The following ATP13A1 variants were observed in gnomAD, a reference collection of about 807,000 sequenced individuals.
ATP13A1 encodes ATPase 13A1, also known as endoplasmic reticulum transmembrane helix translocase.
Under a neutral mutation model 134.8 loss-of-function variants are expected in ATP13A1, and 55 were observed. The observed-to-expected ratio is 0.41, with a 90% CI of 0.33 to 0.51. The LOEUF is 0.51. Among genes scored for constraint, ATP13A1 ranks in the 20% least tolerant of loss-of-function variants. The pLI is 0.29. For synonymous variants in ATP13A1, 775 were observed against 725.1 expected (o/e 1.07, Z -1.10); for missense variants, 1,389 against 1,652.8 (o/e 0.84, Z 2.77).
chr19:19,663,053 G>A (rs1056014320), intron 1 of ATP13A1: 6 of 744,126 alleles, frequency 8.1e-6, no homozygotes, highest in Admixed American at 8.1e-5. Flanking sequence ...TAACAGGGAG[G>A]ACTTCAGAAA....
chr19:19,648,798 A>C (rs2062004138), intron 19 of ATP13A1, among the ~76,000 whole-genome samples: 2 of 116,474 alleles, frequency 1.7e-5, no homozygotes, highest in South Asian at 3.0e-4. Flanking sequence ...AACAAGAGAG[A>C]AACTGTCTCA....
chr19:19,657,253 T>C, intron 4 of ATP13A1, 83 bp downstream of exon 4: 2 of 1,500,610 alleles, frequency 1.3e-6, no homozygotes, highest in Non-Finnish European at 1.8e-6. Context: ...GGCTTCCAGG[T>C]TTAGAAGTGG....
At position 19,647,450 on chromosome 19, in the gene ATP13A1, C is replaced by G; in HGVS notation, c.2872G>C (p.Ala958Pro). The G allele has an allele frequency of 1.9e-6, 3 of 1,613,480 alleles. No individual in the cohort carries two copies. Among genetic ancestry groups the G allele is most frequent in the Non-Finnish European group, 2.5e-6 (3 of 1,179,714 alleles). ...GATGAGAGCTTGGAGGTGAAGGGTGCTGCGATGCTGGCATCCCCCAGTTTC... is the reference window on the plus strand; with the variant it reads ...GATGAGAGCTTGGAGGTGAAGGGTGGTGCGATGCTGGCATCCCCCAGTTTC... ...IVKLGDASIA[A>P]PFTSKLSSIQ... Residue 958 changes from alanine to proline, a missense_variant, in exon 21 of 26, where the codon GCA becomes CCA. This residue lies in a region of ATP13A1 where 228 missense variants were observed against 321.0 expected (regional missense o/e 0.71). Transcript: ENST00000357324. This position sits in a 1 kb window ranked among gnomAD's most constrained non-coding sequence, Gnocchi z 4.8.
intron 3 of ATP13A1, among the ~76,000 whole-genome samples, chr19:19,658,433 C>T (rs949449953): frequency 2.6e-5 from 4 of 152,160 alleles, no homozygotes; most frequent in African/African-American, 9.7e-5. Context: ...AACGTAGTTG[C>T]CACAGGCCAT....
intron 1 of ATP13A1, among the ~76,000 whole-genome samples, chr19:19,661,427 TAC>T (rs958616873): frequency 2.0e-5 from 3 of 152,208 alleles, no homozygotes; most frequent in Non-Finnish European, 4.4e-5. Flanking sequence ...CTGCCCGGAA[TAC>T]ACAGTCACAC....
At chr19:19,650,264 G>C in intron 17 of ATP13A1, 1 of 442,294 alleles carries the variant, frequency 2.3e-6, no homozygotes, top group Non-Finnish European at 4.1e-6. Flanking sequence ...CACAGAAGGG[G>C]GCTATTGCGC....
In ATP13A1 at chr19:19,655,374, C is replaced by T. The variant is rs2145009036; in HGVS notation, c.1476G>A (p.Glu492=). 2 of 1,613,988 alleles carry T rather than the reference C, an allele frequency of 1.2e-6. No homozygotes were observed. Among genetic ancestry groups the T allele is most frequent in the East Asian group, 4.5e-5 (2 of 44,882 alleles). The change falls in exon 11 of 26, where the codon GAG becomes GAA. Residue 492 remains glutamate, a synonymous_variant. Coordinates refer to ENST00000357324, the MANE Select transcript of ATP13A1 (RefSeq NM_020410.3). This position sits in a 1 kb window ranked among gnomAD's most constrained non-coding sequence, Gnocchi z 5.7. ...CGGCCAGGGACAGCTCGATGGGCAGCTCAGGAGGCACGACCGAGGTGAGGA... is the reference window on the plus strand; with the variant it reads ...CGGCCAGGGACAGCTCGATGGGCAGTTCAGGAGGCACGACCGAGGTGAGGA... ...TLILTSVVPP[E]LPIELSLAVN...
Position 19,647,090 on chromosome 19 carries a change from C to A in ATP13A1, c.3105+39G>T, listed in dbSNP as rs756015350. 2 of 1,575,704 alleles carry A rather than the reference C, an allele frequency of 1.3e-6. No individual in the cohort carries two copies. The highest frequency in any genetic ancestry group is 2.3e-5 in the South Asian group (2 of 86,162). On this transcript the variant is annotated intron_variant, in intron 22 of 25. Transcript: ENST00000357324. This position sits in a 1 kb window ranked among gnomAD's most constrained non-coding sequence, Gnocchi z 4.8. ...CCTATATCAGCCTGGCCCTGGCAGG[C>A]CCATGCATCCCTGGCCTTCCAGCAC...
Position 19,646,339 on chromosome 19 carries a change from C to A in ATP13A1, c.3114G>T (p.Lys1038Asn). Reference protein sequence around the residue: ...FLFISRSKPLKTLSRERPLPN... With the variant: ...FLFISRSKPLNTLSRERPLPN... ...GCAGGGGCCGTTCTCGGGAGAGGGTCTTGAGGGGCTGCAGCAGCAAGGCGG... is the reference window on the plus strand; with the variant it reads ...GCAGGGGCCGTTCTCGGGAGAGGGTATTGAGGGGCTGCAGCAGCAAGGCGG... The change falls in exon 23 of 26, where the codon AAG becomes AAT. Residue 1038 changes from lysine (K) to asparagine (N), a missense_variant. This residue lies in a region of ATP13A1 where 228 missense variants were observed against 321.0 expected (regional missense o/e 0.71). Transcript: ENST00000357324. 1 of 1,613,768 alleles carries A rather than the reference C, an allele frequency of 6.2e-7. No homozygotes were observed. Among genetic ancestry groups the A allele is most frequent in the Non-Finnish European group, 8.5e-7 (1 of 1,179,812 alleles).
In ATP13A1 at chr19:19,645,990, A is replaced by C; in HGVS notation, c.3249-5T>G. On this transcript the variant is annotated splice_region_variant and splice_polypyrimidine_tract_variant and intron_variant, in intron 23 of 25. Transcript: ENST00000357324. The surrounding 1 kb of genome is among the most constrained non-coding windows in gnomAD (Gnocchi z 4.1). ...AAGTCCACGAACTGCTCCTGCCTGCAAGGACACATGGGAGTCAGGGCCCCC... is the reference window on the plus strand; with the variant it reads ...AAGTCCACGAACTGCTCCTGCCTGCCAGGACACATGGGAGTCAGGGCCCCC... The C allele has an allele frequency of 6.2e-7, 1 of 1,611,064 alleles. No individual in the cohort carries two copies. Among genetic ancestry groups the C allele is most frequent in the South Asian group, 1.1e-5 (1 of 91,086 alleles).
At position 19,656,325 on chromosome 19, in the gene ATP13A1, T is replaced by TC. The variant is rs2062057881; in HGVS notation, c.1084-143dup. The TC allele has an allele frequency of 2.5e-6, 3 of 1,197,106 alleles. No individual in the cohort carries two copies. The highest frequency in any genetic ancestry group is 3.5e-6 in the Non-Finnish European group (3 of 864,304). The allele number at this position is 1,197,106 out of a possible 1,614,324, so 74.2% of individuals were successfully genotyped here. A position where few individuals can be genotyped will look rare whatever the true frequency, so the allele number is the denominator to read the frequency against. ...CAATACATCCCACCCAGCTCCCAGA[T>TC]CCTCACCCTCACCCCGTCCTGTCTT... On this transcript the variant is annotated intron_variant, in intron 7 of 25. Coordinates refer to ENST00000357324, the MANE Select transcript of ATP13A1 (RefSeq NM_020410.3). This position sits in a 1 kb window ranked among gnomAD's most constrained non-coding sequence, Gnocchi z 4.6.
chr19:19,647,835 G>A lies in ATP13A1; in HGVS notation c.2633-76C>T. 1 of 1,480,528 alleles carries A rather than the reference G, an allele frequency of 6.8e-7. No individual in the cohort carries two copies. Among genetic ancestry groups the A allele is most frequent in the Non-Finnish European group, 9.0e-7 (1 of 1,113,178 alleles). The allele number at this position is 1,480,528 out of a possible 1,614,324, so 91.7% of individuals were successfully genotyped here. A position where few individuals can be genotyped will look rare whatever the true frequency, so the allele number is the denominator to read the frequency against. The stretch of plus-strand genomic sequence containing the variant: ...AAGATTGCTGGCTTCAGAGCCACTG[G>A]TCCTGAAGTCCCCCAGCTGGCTCCC... On this transcript the variant is annotated intron_variant, in intron 19 of 25. Transcript: ENST00000357324. The surrounding 1 kb of genome is among the most constrained non-coding windows in gnomAD (Gnocchi z 4.8).
Position 19,653,618 on chromosome 19 carries a change from G to A in ATP13A1, c.2100+166C>T, listed in dbSNP as rs2062038331. 4 of 680,626 alleles carry A rather than the reference G, an allele frequency of 5.9e-6. No homozygotes were observed. In the South Asian group the frequency reaches 7.6e-5, roughly 13 times the overall value. The allele number at this position is 680,626 out of a possible 1,614,324, so 42.2% of individuals were successfully genotyped here. On this transcript the variant is annotated intron_variant, in intron 15 of 25. Transcript: ENST00000357324. The surrounding 1 kb of genome is among the most constrained non-coding windows in gnomAD (Gnocchi z 4.2). ...GACTGGGTGGGTCCCCACAGCAGTG[G>A]ACAGACTGAGTGCCATTTGGAGTCT...
Position 19,655,064 on chromosome 19 carries a change from G to T in ATP13A1, c.1655+55C>A. The T allele has an allele frequency of 6.2e-7, 1 of 1,604,306 alleles. No individual in the cohort carries two copies. The highest frequency in any genetic ancestry group is 1.1e-5 in the South Asian group (1 of 89,866). ...GGGGTGGATGGGCCACCTGTCTCTCGACTTCCCAGAAACCCCATCTGGGTG... is the reference window on the plus strand; with the variant it reads ...GGGGTGGATGGGCCACCTGTCTCTCTACTTCCCAGAAACCCCATCTGGGTG... On this transcript the variant is annotated intron_variant, in intron 12 of 25. Coordinates refer to ENST00000357324, the MANE Select transcript of ATP13A1 (RefSeq NM_020410.3). This position sits in a 1 kb window ranked among gnomAD's most constrained non-coding sequence, Gnocchi z 5.7.
rs537113852 is a variant in ATP13A1, at chr19:19,656,071, G to A, written c.1196C>T (p.Ala399Val). The change falls in exon 8 of 26, where the codon GCC (alanine) becomes GTC (valine). Residue 399 changes from alanine (A) to valine (V), a missense_variant. Physicochemically the swap from Ala to Val is moderately conservative, Grantham distance 64. Around this residue, in one of 4 missense-constraint regions of ATP13A1, gnomAD observed 747 missense variants for 956.1 expected, o/e 0.78. Transcript: ENST00000357324. The surrounding 1 kb of genome is among the most constrained non-coding windows in gnomAD (Gnocchi z 4.6). ...KVVQHIPPQK[A>V]TTGLKPVDSG... is the part of the protein sequence containing the mutation. ...GCACCTACGCTTCAGGCCCGTGGTG[G>A]CTTTCTGTGGGGGGATGTGCTGCAC... 2 of 1,613,608 alleles carry A rather than the reference G, an allele frequency of 1.2e-6. No homozygotes were observed. Among genetic ancestry groups the A allele is most frequent in the East Asian group, 2.2e-5 (1 of 44,858 alleles).
intron 19 of ATP13A1, among the ~76,000 whole-genome samples, chr19:19,648,917 T>C (rs12971813): frequency 1.3e-5 from 2 of 150,146 alleles, no homozygotes; most frequent in African/African-American, 4.9e-5. Flanking sequence ...AGGTCAGGAA[T>C]TGGAGACCAT....
At chr19:19,650,130 AC>A in intron 17 of ATP13A1, 190 bp from the exon 18 acceptor site, 1 of 610,408 alleles carries the variant, frequency 1.6e-6, no homozygotes, top group Non-Finnish European at 2.9e-6. Flanking sequence ...ACAGGGTGGA[AC>A]CAAGAGCCTG....
chr19:19,655,269 G>T lies in ATP13A1; in HGVS notation c.1535-30C>A. ...GGGCGGGAGTGAGGTCAGGGGTCCT[G>T]CTTGGCCCCAGCCCACTCGGCACCC... On this transcript the variant is annotated intron_variant, in intron 11 of 25. Transcript: ENST00000357324. This position sits in a 1 kb window ranked among gnomAD's most constrained non-coding sequence, Gnocchi z 5.7. The T allele has an allele frequency of 6.2e-7, 1 of 1,613,934 alleles. No individual in the cohort carries two copies. The highest frequency in any genetic ancestry group is 1.7e-5 in the Admixed American group (1 of 60,010).
chr19:19,649,806 G>T lies in ATP13A1; in HGVS notation c.2470C>A (p.Pro824Thr). 1.2e-6 allele frequency: 2 copies of T among 1,602,100 alleles called. No homozygotes were observed. The highest frequency in any genetic ancestry group is 8.5e-7 in the Non-Finnish European group (1 of 1,176,840). The change falls in exon 18 of 26, where the codon CCC becomes ACC. Residue 824 changes from proline to threonine, a missense_variant. By Grantham distance (38) the Pro-to-Thr change is conservative. Transcript: ENST00000357324. Reference sequence around the variant, plus strand: ...GGGATGAGGCGGAGCAGCTGCTGGGGGTCGGTGGCCTGCAGGTGGGCCAAG... The same window carrying T: ...GGGATGAGGCGGAGCAGCTGCTGGGTGTCGGTGGCCTGCAGGTGGGCCAAG... Reference protein sequence around the residue: ...DGLAHLQATDPQQLLRLIPHV... With the variant: ...DGLAHLQATDTQQLLRLIPHV...
Sources: gnomAD v4.1 joint callset for allele counts (sites outside exome capture counted in the v4.1 genomes callset) on GRCh38, gnomAD v4.1.1 for gene constraint, gnomAD v4.1.1 regional missense constraint, Gnocchi (gnomAD v3.1) non-coding constraint, MANE v1.5 for transcripts, NCBI Gene and HGNC (gene_info 2026-07-23, HGNC 2026-07-21) for gene names.